The following MEIKIN variants were observed in gnomAD, a reference collection of about 807,000 sequenced individuals.
MEIKIN encodes the protein meiotic kinetochore factor.
In MEIKIN at chr5:131,819,937, G is replaced by A. The variant is rs1490316207; in HGVS notation, c.976-1074C>T. Among the ~76,000 whole-genome samples the A allele has an allele frequency of 4.7e-5, 7 of 147,734 alleles. No homozygotes were observed. The South Asian group carries it at 1.1e-3, about 23-fold the overall frequency. On this transcript the variant is annotated intron_variant, in intron 11 of 12. Transcript: ENST00000442687. ...ACTACAGGCGCCCGCCACTACGCCC[G>A]GCTAATTTTTTGTATTTTTAGTAGA... is the stretch of plus-strand genomic sequence containing the variant.
At chr5:131,864,507 G>T (rs957553357) in intron 9 of MEIKIN, among the ~76,000 whole-genome samples, 1 of 152,064 alleles carries the variant, frequency 6.6e-6, no homozygotes, top group Admixed American at 6.6e-5. Flanking sequence ...TAGTATCCTC[G>T]GCTGGCAGAT....
chr5:131,845,152 C>A (rs1749990975), intron 11 of MEIKIN, among the ~76,000 whole-genome samples: 1 of 151,708 alleles, frequency 6.6e-6, no homozygotes, highest in African/African-American at 2.4e-5. Flanking sequence ...CACCTGTAGT[C>A]CCAGCTACTC....
intron 8 of MEIKIN, among the ~76,000 whole-genome samples, chr5:131,888,525 C>T (rs1167097497): frequency 2.6e-4 from 39 of 152,070 alleles, no homozygotes; most frequent in African/African-American, 9.4e-4. Context: ...GAAGTGTCTG[C>T]TCATATCCTT....
At chr5:131,926,752 G>C (rs1751593516) in intron 5 of MEIKIN, among the ~76,000 whole-genome samples, 1 of 152,044 alleles carries the variant, frequency 6.6e-6, no homozygotes, top group Admixed American at 6.6e-5. Flanking sequence ...TCATGACATA[G>C]GTTATATGTT....
At chr5:131,890,348 T>G (rs1750887985) in intron 8 of MEIKIN, among the ~76,000 whole-genome samples, 1 of 152,236 alleles carries the variant, frequency 6.6e-6, no homozygotes, top group Admixed American at 6.5e-5. Flanking sequence ...TTTTGGTTGG[T>G]AAGCTATTAA....
chr5:131,861,573 T>C (rs1750286699), intron 9 of MEIKIN, among the ~76,000 whole-genome samples: 2 of 152,238 alleles, frequency 1.3e-5, no homozygotes, highest in Admixed American at 1.3e-4. Context: ...TTCAGTCTGA[T>C]GTCAGCTGTG....
intron 5 of MEIKIN, among the ~76,000 whole-genome samples, chr5:131,923,465 CTATCT>C (rs1751539491): frequency 6.6e-6 from 1 of 151,546 alleles, no homozygotes; most frequent in Admixed American, 6.6e-5. Flanking sequence ...TACTGTTCTT[CTATCT>C]TATATTTTTT....
chr5:131,879,987 CG>C (rs1220813126), intron 8 of MEIKIN, among the ~76,000 whole-genome samples: 3 of 151,014 alleles, frequency 2.0e-5, no homozygotes, highest in Non-Finnish European at 4.4e-5. Context: ...TGGCGTGATC[CG>C]GGCTCACGGC....
intron 12 of MEIKIN, among the ~76,000 whole-genome samples, chr5:131,817,783 G>C (rs1473029084): frequency 1.3e-5 from 2 of 152,152 alleles, no homozygotes; most frequent in Admixed American, 1.3e-4. Flanking sequence ...CTCAGGGCAG[G>C]TACTGTGGAG....
At chr5:131,861,008 T>C (rs2149619374) in intron 9 of MEIKIN, among the ~76,000 whole-genome samples, 1 of 148,702 alleles carries the variant, frequency 6.7e-6, no homozygotes, top group East Asian at 2.1e-4. Flanking sequence ...AGTGATTGCC[T>C]GCCTTGGCCT....
chr5:131,915,764 G>A (rs970617863), intron 7 of MEIKIN, among the ~76,000 whole-genome samples: 1 of 152,032 alleles, frequency 6.6e-6, no homozygotes, highest in Non-Finnish European at 1.5e-5. Flanking sequence ...TAGGGGAGAA[G>A]GGTGATGAGG....
intron 5 of MEIKIN, among the ~76,000 whole-genome samples, chr5:131,927,431 T>C (rs1751605080): frequency 1.3e-5 from 2 of 152,338 alleles, no homozygotes; most frequent in South Asian, 4.1e-4. Flanking sequence ...GAGAAATATA[T>C]ATTCTGCCAC....
intron 11 of MEIKIN, among the ~76,000 whole-genome samples, chr5:131,841,222 T>C (rs1273221099): frequency 6.6e-6 from 1 of 152,056 alleles, no homozygotes; most frequent in Non-Finnish European, 1.5e-5. Context: ...CTGCACTGGG[T>C]GAGAGTGGTT....
In MEIKIN at chr5:131,916,734, C is replaced by T. The variant is rs118118519; in HGVS notation, c.638+152G>A. ...TAATCAATTTTGTTCACTACTATAT[C>T]TCTAGCAATTACAACAGTCCTGACA... On this transcript the variant is annotated intron_variant, in intron 7 of 12. Coordinates refer to ENST00000442687, the MANE Select transcript of MEIKIN (RefSeq NM_001303622.2). 3.1e-3 allele frequency among the ~76,000 whole-genome samples: 472 copies of T among 152,326 alleles called. 7 individuals are homozygous for T. The East Asian group carries it at 0.052, about 17-fold the overall frequency.
chr5:131,942,487 G>T lies in MEIKIN; in HGVS notation c.349+148C>A, dbSNP rs1273161118. 15 of 384,898 alleles carry T rather than the reference G, an allele frequency of 3.9e-5. No homozygotes were observed. In the East Asian group the frequency reaches 5.5e-4, roughly 14 times the overall value. The allele number at this position is 384,898 out of a possible 1,614,324, so 23.8% of individuals were successfully genotyped here. ...ATGTGCTTAAAGGCTTTAAGGATGAGATCTATAGCACAGTCAGAAGGATTC... is the reference window on the plus strand; with the variant it reads ...ATGTGCTTAAAGGCTTTAAGGATGATATCTATAGCACAGTCAGAAGGATTC... On this transcript the variant is annotated intron_variant, in intron 4 of 12. Coordinates refer to ENST00000442687, the MANE Select transcript of MEIKIN (RefSeq NM_001303622.2).
At chr5:131,853,846 T>A (rs1750153027) in intron 10 of MEIKIN, among the ~76,000 whole-genome samples, 1 of 152,102 alleles carries the variant, frequency 6.6e-6, no homozygotes, top group Non-Finnish European at 1.5e-5. Flanking sequence ...AAATAACAAG[T>A]GCTGGCAAGG....
intron 9 of MEIKIN, among the ~76,000 whole-genome samples, chr5:131,864,410 T>C (rs1750347271): frequency 1.3e-5 from 2 of 152,194 alleles, no homozygotes; most frequent in South Asian, 4.1e-4. Flanking sequence ...CTCCCTTGAG[T>C]TTAGTAGTAA....
At chr5:131,839,039 C>A (rs573392245) in intron 11 of MEIKIN, among the ~76,000 whole-genome samples, 1 of 152,272 alleles carries the variant, frequency 6.6e-6, no homozygotes, top group African/African-American at 2.4e-5. Context: ...CCTAGAGATT[C>A]TGGCATGTTT....
chr5:131,812,324 G>T (rs1485135961), intron 12 of MEIKIN, among the ~76,000 whole-genome samples: 2 of 152,140 alleles, frequency 1.3e-5, no homozygotes, highest in Admixed American at 1.3e-4. Context: ...TGGGCATTTG[G>T]ATAGTTTCCA....
Sources: gnomAD v4.1 joint callset for allele counts (sites outside exome capture counted in the v4.1 genomes callset) on GRCh38, gnomAD v4.1.1 for gene constraint, MANE v1.5 for transcripts, NCBI Gene and HGNC (gene_info 2026-07-23, HGNC 2026-07-21) for gene names.